Variants in CSMD1 observed in about 807,000 individuals in gnomAD.
The protein encoded by CSMD1 is CUB and sushi domain-containing protein 1.
In CSMD1, 213 loss-of-function variants were observed where a neutral mutation model predicts 417.5. The ratio of observed to expected loss-of-function variants is 0.51; its 90% CI spans 0.46 to 0.57. CSMD1 has a LOEUF of 0.57. Among genes scored for constraint, CSMD1 ranks in the 20% least tolerant of loss-of-function variants. CSMD1 has a pLI of 0.00. For missense variants in CSMD1, 6,923 were observed against 4,529.7 expected (o/e 1.53, Z -15.17); for synonymous variants, 2,862 against 1,736.8 (o/e 1.65, Z -16.11).
intron 2 of CSMD1, among the ~76,000 whole-genome samples, chr8:4,458,533 G>C (rs1180976918): frequency 6.6e-6 from 1 of 152,000 alleles, no homozygotes; most frequent in African/African-American, 2.4e-5. Context: ...AAAGAGGTAT[G>C]TATTTTCTTA....
At chr8:4,516,137 G>C (rs1803108330) in intron 2 of CSMD1, among the ~76,000 whole-genome samples, 2 of 152,068 alleles carry the variant, frequency 1.3e-5, no homozygotes, top group Non-Finnish European at 2.9e-5. Context: ...AAGATTAAAA[G>C]AGGTCATGCA....
chr8:4,212,684 A>T (rs576534243), intron 3 of CSMD1, among the ~76,000 whole-genome samples: 1 of 151,850 alleles, frequency 6.6e-6, no homozygotes, highest in South Asian at 2.1e-4. Context: ...AACAGAAATA[A>T]TTAGTTATAT....
intron 1 of CSMD1, among the ~76,000 whole-genome samples, chr8:4,849,907 G>A (rs1580188): frequency 0.4 from 60,336 of 151,976 alleles, 14,176 homozygotes; most frequent in East Asian, 0.66. Flanking sequence ...GGCATTTCTC[G>A]ATTATATTAT....
At position 3,367,013 on chromosome 8, in the gene CSMD1, G is replaced by A. The variant is rs1484021436; in HGVS notation, c.3115+19C>T. ...GTATTGTTGCCAGAGGAGAGAAACA[G>A]CAAACAAGACCAACATACCTGAAAA... On this transcript the variant is annotated intron_variant, in intron 20 of 69. Coordinates refer to ENST00000635120, the MANE Select transcript of CSMD1 (RefSeq NM_033225.6). The A allele has an allele frequency of 1.3e-6, 2 of 1,589,372 alleles. No homozygotes were observed. Among genetic ancestry groups the A allele is most frequent in the Non-Finnish European group, 1.7e-6 (2 of 1,159,326 alleles).
chr8:4,474,340 G>A lies in CSMD1; in HGVS notation c.303-54275C>T, dbSNP rs184151576. On this transcript the variant is annotated intron_variant, in intron 2 of 69. Coordinates refer to ENST00000635120, the MANE Select transcript of CSMD1 (RefSeq NM_033225.6). ...AAACATACCACTCAGACATTATAAG[G>A]AAGATTTTATGCTGGTGTTGTCTAA... 5.4e-3 allele frequency among the ~76,000 whole-genome samples: 821 copies of A among 152,296 alleles called. 5 individuals carry two copies. The highest frequency in any genetic ancestry group is 9.9e-3 in the Admixed American group (152 of 15,296).
intron 2 of CSMD1, 37 bp downstream of exon 2, chr8:4,637,301 TCAAA>T: frequency 6.9e-7 from 1 of 1,449,566 alleles, no homozygotes; most frequent in Non-Finnish European, 9.6e-7. Context: ...ATCTGTGTAT[TCAAA>T]CAGTGCTAAC....
chr8:3,972,222 G>GA (rs933959918), intron 5 of CSMD1, among the ~76,000 whole-genome samples: 411 of 146,904 alleles, frequency 2.8e-3, no homozygotes, highest in Middle Eastern at 0.011. Context: ...AAAGCAGGGA[G>GA]AAAAAAAAAA....
At chr8:3,978,790 G>A (rs1047978859) in intron 5 of CSMD1, among the ~76,000 whole-genome samples, 1 of 152,120 alleles carries the variant, frequency 6.6e-6, no homozygotes, top group African/African-American at 2.4e-5. Flanking sequence ...AGGGAAAGCA[G>A]CTTTCCTTTC....
chr8:4,645,801 C>T (rs1247347081), intron 1 of CSMD1, among the ~76,000 whole-genome samples: 3 of 152,098 alleles, frequency 2.0e-5, no homozygotes, highest in East Asian at 3.9e-4. Context: ...CCCTGTTGTC[C>T]TTTAGATTCC....
intron 3 of CSMD1, among the ~76,000 whole-genome samples, chr8:4,348,300 C>G (rs1461316078): frequency 6.6e-6 from 1 of 152,098 alleles, no homozygotes; most frequent in Non-Finnish European, 1.5e-5. Context: ...AAGGCATGTT[C>G]TGTGGATGCC....
In CSMD1 at chr8:4,912,770, G is replaced by C. The variant is rs78598659; in HGVS notation, c.85+81562C>G. Among the ~76,000 whole-genome samples the C allele has an allele frequency of 1.4e-3, 216 of 149,728 alleles. 3 individuals carry two copies. In the East Asian group the frequency reaches 0.015, roughly 10 times the overall value. On this transcript the variant is annotated intron_variant, in intron 1 of 69. Coordinates refer to ENST00000635120, the MANE Select transcript of CSMD1 (RefSeq NM_033225.6). The stretch of plus-strand genomic sequence containing the variant: ...TTTTGGAGGCCAAATGACATAAAAT[G>C]ACATACAGCACCAGCTATTTTTTTT...
chr8:4,528,176 G>A (rs1486430161), intron 2 of CSMD1, among the ~76,000 whole-genome samples: 1 of 152,132 alleles, frequency 6.6e-6, no homozygotes, highest in African/African-American at 2.4e-5. Flanking sequence ...TTTTTGACCT[G>A]TATTCCTTGG....
At chr8:3,302,184 C>A (rs919559266) in intron 25 of CSMD1, among the ~76,000 whole-genome samples, 1 of 152,126 alleles carries the variant, frequency 6.6e-6, no homozygotes, top group Non-Finnish European at 1.5e-5. Context: ...GAGTTGGGAA[C>A]ACGTGATGAG....
chr8:4,221,975 G>GA (rs990498520), intron 3 of CSMD1, among the ~76,000 whole-genome samples: 5 of 151,936 alleles, frequency 3.3e-5, no homozygotes, highest in African/African-American at 1.2e-4. Context: ...TGCAATGGAG[G>GA]AAGCTGTCCA....
rs114728604 is a variant in CSMD1, at chr8:4,422,011, T to C, written c.303-1946A>G. On this transcript the variant is annotated intron_variant, in intron 2 of 69. Coordinates refer to ENST00000635120, the MANE Select transcript of CSMD1 (RefSeq NM_033225.6). Reference sequence around the variant, plus strand: ...TCATCATAAAGATAATAAAAGTTACTACAGAAACTACATATGTAAAATTGG... The same window carrying C: ...TCATCATAAAGATAATAAAAGTTACCACAGAAACTACATATGTAAAATTGG... Among the ~76,000 whole-genome samples, 488 of 152,206 alleles carry C rather than the reference T, an allele frequency of 3.2e-3. 1 individual carries two copies. The highest frequency in any genetic ancestry group is 0.011 in the African/African-American group (467 of 41,564).
At chr8:4,821,477 A>T (rs952557660) in intron 1 of CSMD1, among the ~76,000 whole-genome samples, 17 of 152,164 alleles carry the variant, frequency 1.1e-4, no homozygotes, top group African/African-American at 4.1e-4. Context: ...CAGGGAACGC[A>T]CTTTTCTCAT....
intron 5 of CSMD1, among the ~76,000 whole-genome samples, chr8:3,765,348 C>T (rs898421629): frequency 6.6e-6 from 1 of 152,168 alleles, no homozygotes; most frequent in African/African-American, 2.4e-5. Context: ...GACATCCCTT[C>T]CAGAGACCTT....
intron 2 of CSMD1, among the ~76,000 whole-genome samples, chr8:4,563,744 T>C (rs1157596847): frequency 6.6e-6 from 1 of 152,174 alleles, no homozygotes; most frequent in Non-Finnish European, 1.5e-5. Context: ...CCTGTTGACA[T>C]GTTAACATGA....
intron 6 of CSMD1, among the ~76,000 whole-genome samples, chr8:3,723,080 G>C (rs1400003708): frequency 6.6e-6 from 1 of 152,238 alleles, no homozygotes; most frequent in Non-Finnish European, 1.5e-5. Context: ...AGAGTCCTAA[G>C]GAAGAATCCT....
Sources: gnomAD v4.1 joint callset for allele counts (sites outside exome capture counted in the v4.1 genomes callset) on GRCh38, gnomAD v4.1.1 for gene constraint, MANE v1.5 for transcripts, NCBI Gene and HGNC (gene_info 2026-07-23, HGNC 2026-07-21) for gene names.